The following PDGFD variants were observed in gnomAD, a reference collection of about 807,000 sequenced individuals.
The protein encoded by PDGFD is platelet-derived growth factor D.
A neutral mutation model predicts 44.7 loss-of-function variants in PDGFD; 30 were observed. The ratio of observed to expected loss-of-function variants is 0.67; its 90% CI spans 0.50 to 0.91. The LOEUF is 0.91. Among genes scored for constraint, PDGFD ranks in the 40% least tolerant of loss-of-function variants. The pLI is 0.00. For missense variants in PDGFD, 445 were observed against 457.8 expected (o/e 0.97, Z 0.25); for synonymous variants, 173 against 168.4 (o/e 1.03, Z -0.21).
chr11:103,915,588 C>T (rs185927182), intron 6 of PDGFD, among the ~76,000 whole-genome samples: 69,331 of 151,680 alleles, frequency 0.46, 15,906 homozygotes, highest in South Asian at 0.49. Flanking sequence ...TTGGAAAAAA[C>T]AACTTTAAAT....
chr11:104,003,283 G>T (rs1482554330), intron 1 of PDGFD, among the ~76,000 whole-genome samples: 1 of 152,238 alleles, frequency 6.6e-6, no homozygotes, highest in Non-Finnish European at 1.5e-5. Context: ...GACATAAGAG[G>T]CTAGAAGCTT....
At chr11:103,937,864 C>T (rs1227521561) in intron 5 of PDGFD, among the ~76,000 whole-genome samples, 1 of 151,846 alleles carries the variant, frequency 6.6e-6, no homozygotes, top group African/African-American at 2.4e-5. Flanking sequence ...TCATCCATGT[C>T]CCTACAAAGG....
chr11:104,007,455 T>C (rs948679287), intron 1 of PDGFD, among the ~76,000 whole-genome samples: 1 of 152,236 alleles, frequency 6.6e-6, no homozygotes, highest in Non-Finnish European at 1.5e-5. Context: ...CATAATATTA[T>C]ACATGACAAC....
chr11:104,019,954 G>GA (rs1859924649), intron 1 of PDGFD, among the ~76,000 whole-genome samples: 2 of 151,870 alleles, frequency 1.3e-5, no homozygotes, highest in African/African-American at 4.8e-5. Context: ...ATGGGGCTGC[G>GA]ATAAGCACCA....
chr11:103,970,404 A>T (rs936005653), intron 3 of PDGFD, among the ~76,000 whole-genome samples: 1 of 152,118 alleles, frequency 6.6e-6, no homozygotes, highest in Non-Finnish European at 1.5e-5. Flanking sequence ...AGCAAGTGAT[A>T]AAAAACTATG....
At chr11:103,911,715 GAAGCT>G (rs1858031557) in intron 6 of PDGFD, among the ~76,000 whole-genome samples, 1 of 152,006 alleles carries the variant, frequency 6.6e-6, no homozygotes, top group South Asian at 2.1e-4. Flanking sequence ...CCAATGCAAG[GAAGCT>G]AAGAACCTTG....
chr11:103,932,374 A>G (rs1858417311), intron 5 of PDGFD, among the ~76,000 whole-genome samples: 1 of 152,192 alleles, frequency 6.6e-6, no homozygotes, highest in Non-Finnish European at 1.5e-5. Flanking sequence ...TGCGTTCTGA[A>G]CATGTTTAAG....
chr11:104,090,933 C>G (rs1861203850), intron 1 of PDGFD, among the ~76,000 whole-genome samples: 1 of 152,050 alleles, frequency 6.6e-6, no homozygotes, highest in Non-Finnish European at 1.5e-5. Context: ...GAAGTTTCTA[C>G]TATAGCTCTA....
intron 1 of PDGFD, among the ~76,000 whole-genome samples, chr11:104,120,336 A>G (rs907933095): frequency 6.6e-6 from 1 of 151,826 alleles, no homozygotes; most frequent in African/African-American, 2.4e-5. Context: ...ATTTCCAAAA[A>G]GTATATTTTT....
intron 3 of PDGFD, among the ~76,000 whole-genome samples, chr11:103,983,120 A>C (rs145496966): frequency 0.022 from 3,311 of 151,928 alleles, 216 homozygotes; most frequent in African/African-American, 0.077. Context: ...AGACAATCCT[A>C]AGCAAAAATG....
chr11:103,918,645 T>C (rs541921617), intron 6 of PDGFD, among the ~76,000 whole-genome samples: 10 of 152,290 alleles, frequency 6.6e-5, no homozygotes, highest in Admixed American at 2.0e-4. Context: ...GGTATATATG[T>C]GTTTTGCTGA....
At position 104,128,128 on chromosome 11, in the gene PDGFD, G is replaced by C. The variant is rs1247721293; in HGVS notation, c.124+35676C>G. ...CCCCACCCACCCAGCCCCAGTTTCT[G>C]TCTACTACATCTGATTAAGTGTTAA... is the stretch of plus-strand genomic sequence containing the variant. On this transcript the variant is annotated intron_variant, in intron 1 of 6. Coordinates refer to ENST00000393158, the MANE Select transcript of PDGFD (RefSeq NM_025208.5). Among the ~76,000 whole-genome samples the C allele has an allele frequency of 2.0e-5, 2 of 101,044 alleles. 1 individual carries two copies. The highest frequency in any genetic ancestry group is 3.5e-5 in the Non-Finnish European group (2 of 56,574). 66.3% of individuals were successfully genotyped at this position (101,044 alleles called of 152,430 possible).
At chr11:103,973,138 C>CTTTTT (rs555810765) in intron 3 of PDGFD, among the ~76,000 whole-genome samples, 4 of 134,416 alleles carry the variant, frequency 3.0e-5, no homozygotes, top group Non-Finnish European at 3.2e-5. Context: ...AAAGTGGTCA[C>CTTTTT]TTTTTTTTTT....
At chr11:104,091,638 A>G (rs561347116) in intron 1 of PDGFD, among the ~76,000 whole-genome samples, 1 of 152,202 alleles carries the variant, frequency 6.6e-6, no homozygotes, top group African/African-American at 2.4e-5. Context: ...ATGCCCTTCA[A>G]TGAGGCCTAA....
At chr11:104,057,337 T>C (rs1328308856) in intron 1 of PDGFD, among the ~76,000 whole-genome samples, 1 of 152,216 alleles carries the variant, frequency 6.6e-6, no homozygotes, top group Non-Finnish European at 1.5e-5. Context: ...CAGGACTTTT[T>C]GGTTTTGAAA....
At chr11:103,966,403 T>A (rs560292782) in intron 3 of PDGFD, among the ~76,000 whole-genome samples, 3 of 152,234 alleles carry the variant, frequency 2.0e-5, no homozygotes, top group African/African-American at 7.2e-5. Context: ...TCAAGATAAA[T>A]AAAAGAAAAA....
At chr11:103,932,144 T>C (rs71482416) in intron 5 of PDGFD, among the ~76,000 whole-genome samples, 1 of 152,212 alleles carries the variant, frequency 6.6e-6, no homozygotes, top group East Asian at 1.9e-4. Context: ...CCTTGTTTTG[T>C]TTTCTTTGCA....
intron 1 of PDGFD, among the ~76,000 whole-genome samples, chr11:104,128,986 CAG>C (rs1268150677): frequency 1.3e-5 from 2 of 152,128 alleles, no homozygotes; most frequent in Non-Finnish European, 2.9e-5. Context: ...AGTGATAGAG[CAG>C]AGTTTCCAAA....
Position 104,027,781 on chromosome 11 carries a change from CA to C in PDGFD, c.125-27527del, listed in dbSNP as rs932833840. 5.6e-4 allele frequency among the ~76,000 whole-genome samples: 85 copies of C among 152,236 alleles called. 1 individual carries two copies. Among genetic ancestry groups the C allele is most frequent in the African/African-American group, 1.8e-3 (76 of 41,548 alleles). On this transcript the variant is annotated intron_variant, in intron 1 of 6. Transcript: ENST00000393158. ...TTGATTAAATTTTGATAGTTTTTTG[CA>C]GATGCCTGTATTTTGTTGACTCTTT...
Sources: gnomAD v4.1 joint callset for allele counts (sites outside exome capture counted in the v4.1 genomes callset) on GRCh38, gnomAD v4.1.1 for gene constraint, MANE v1.5 for transcripts, NCBI Gene and HGNC (gene_info 2026-07-23, HGNC 2026-07-21) for gene names.